HRH1: variants seen among roughly 807,000 people sequenced by gnomAD.
HRH1 encodes the protein histamine receptor H1, also known as histamine H1 receptor.
A neutral mutation model predicts 10.3 loss-of-function variants in HRH1; 6 were observed. That is an observed-to-expected ratio of 0.58 (90% CI 0.32 to 1.15). The LOEUF (loss-of-function observed/expected upper bound fraction) is 1.15, where lower values mean the gene tolerates loss of function less well. Among genes scored for constraint, HRH1 ranks in the 50% most tolerant of loss-of-function variants. HRH1 has a pLI of 0.05. For missense variants in HRH1, 514 were observed against 615.3 expected (o/e 0.84, Z 1.74); for synonymous variants, 242 against 236.7 (o/e 1.02, Z -0.21).
At chr3:11,220,460 G>A (rs971061548) in intron 1 of HRH1, among the ~76,000 whole-genome samples, 2 of 152,212 alleles carry the variant, frequency 1.3e-5, no homozygotes, top group African/African-American at 4.8e-5. Context: ...GCCGGTGCTT[G>A]GGTTTCCTAC....
Position 11,263,078 on chromosome 3 carries a change from T to G in HRH1, c.*2577T>G, listed in dbSNP as rs201663066. 6.0e-6 allele frequency: 1 copy of G among 167,116 alleles called. No homozygotes were observed. Among genetic ancestry groups the G allele is most frequent in the Non-Finnish European group, 1.5e-5 (1 of 68,136 alleles). 10.4% of individuals were successfully genotyped at this position (167,116 alleles called of 1,614,324 possible). A position where few individuals can be genotyped will look rare whatever the true frequency, so the allele number is the denominator to read the frequency against. On this transcript the variant is annotated 3_prime_UTR_variant, in exon 2 of 2. Transcript: ENST00000431010. ...ACTGCTCCGAGGTCTGATTCTGGAA[T>G]GTGCTTCCTTTCCACTTTATCAATC...
intron 1 of HRH1, among the ~76,000 whole-genome samples, chr3:11,221,504 G>A (rs1282277992): frequency 6.6e-6 from 1 of 151,218 alleles, no homozygotes; most frequent in Non-Finnish European, 1.5e-5. Context: ...GCAGTGAGCC[G>A]AGATCACGCC....
chr3:11,185,353 C>T (rs184458308), intron 1 of HRH1, among the ~76,000 whole-genome samples: 1 of 152,260 alleles, frequency 6.6e-6, no homozygotes, highest in East Asian at 1.9e-4. Context: ...GGAAGCCTTC[C>T]CTGAATTTTC....
chr3:11,195,569 T>A (rs922331392), intron 1 of HRH1, among the ~76,000 whole-genome samples: 2 of 152,218 alleles, frequency 1.3e-5, no homozygotes, highest in African/African-American at 4.8e-5. Flanking sequence ...ACCAAGTGAC[T>A]CTCATGACAG....
chr3:11,184,327 C>T (rs998889431), intron 1 of HRH1, among the ~76,000 whole-genome samples: 1 of 152,096 alleles, frequency 6.6e-6, no homozygotes. Context: ...AATAGAGACA[C>T]GGAGAGGTTA....
intron 1 of HRH1, among the ~76,000 whole-genome samples, chr3:11,203,277 T>C (rs1347301053): frequency 6.6e-6 from 1 of 152,212 alleles, no homozygotes; most frequent in Non-Finnish European, 1.5e-5. Flanking sequence ...CCAAGGAGTA[T>C]AATTGCTGCA....
At chr3:11,193,026 A>C (rs915289556) in intron 1 of HRH1, among the ~76,000 whole-genome samples, 5 of 152,248 alleles carry the variant, frequency 3.3e-5, no homozygotes, top group Admixed American at 2.0e-4. Flanking sequence ...GTTTAGTAAT[A>C]AATACAAGTT....
chr3:11,158,291 A>T (rs1343275055), intron 1 of HRH1, among the ~76,000 whole-genome samples: 1 of 152,210 alleles, frequency 6.6e-6, no homozygotes, highest in Non-Finnish European at 1.5e-5. Flanking sequence ...CAAAAATACT[A>T]GTTGTAAGAA....
chr3:11,242,156 G>T (rs901066068), intron 1 of HRH1, among the ~76,000 whole-genome samples: 5 of 152,068 alleles, frequency 3.3e-5, no homozygotes, highest in Admixed American at 3.3e-4. Context: ...AAATGTTGCT[G>T]CTCACTCTTT....
chr3:11,183,616 G>A lies in HRH1; in HGVS notation c.-36+29062G>A, dbSNP rs115390564. ...GTGGGCCCTGCCGGGGCGGCGGCAT[G>A]CATGTACATGAGGGTGAATCCCACA... On this transcript the variant is annotated intron_variant, in intron 1 of 1. Transcript: ENST00000431010. Among the ~76,000 whole-genome samples, 1,040 of 152,266 alleles carry A rather than the reference G, an allele frequency of 6.8e-3. 14 individuals are homozygous for A. Among genetic ancestry groups the A allele is most frequent in the African/African-American group, 0.024 (982 of 41,538 alleles).
intron 1 of HRH1, among the ~76,000 whole-genome samples, chr3:11,169,669 C>G (rs1937115558): frequency 6.6e-6 from 1 of 152,192 alleles, no homozygotes; most frequent in African/African-American, 2.4e-5. Flanking sequence ...TGACCCTTCT[C>G]TCTGCACTCT....
At chr3:11,249,898 A>G (rs532083755) in intron 1 of HRH1, among the ~76,000 whole-genome samples, 1 of 152,280 alleles carries the variant, frequency 6.6e-6, no homozygotes, top group East Asian at 1.9e-4. Flanking sequence ...TTGACCCTGC[A>G]GATCTCCACA....
intron 1 of HRH1, among the ~76,000 whole-genome samples, chr3:11,185,917 G>A (rs185527303): frequency 1.8e-4 from 27 of 152,274 alleles, no homozygotes; most frequent in African/African-American, 6.0e-4. Context: ...GTAGATGGCA[G>A]TTCCACGTAT....
chr3:11,155,354 A>T (rs1033327008), intron 1 of HRH1, among the ~76,000 whole-genome samples: 1 of 152,154 alleles, frequency 6.6e-6, no homozygotes, highest in African/African-American at 2.4e-5. Flanking sequence ...GCTCTTTCAG[A>T]GATCAGATTC....
intron 1 of HRH1, among the ~76,000 whole-genome samples, chr3:11,171,287 T>G (rs1407077181): frequency 1.3e-5 from 2 of 152,132 alleles, no homozygotes; most frequent in Non-Finnish European, 2.9e-5. Flanking sequence ...CGGCTAATGT[T>G]GTATTTTTAG....
intron 1 of HRH1, among the ~76,000 whole-genome samples, chr3:11,175,093 G>A (rs967295456): frequency 5.9e-5 from 9 of 152,188 alleles, no homozygotes; most frequent in African/African-American, 1.9e-4. Flanking sequence ...GGGCAAGGCT[G>A]GAGTTGGGAT....
At chr3:11,254,520 T>C (rs1470357917) in intron 1 of HRH1, among the ~76,000 whole-genome samples, 1 of 152,230 alleles carries the variant, frequency 6.6e-6, no homozygotes, top group African/African-American at 2.4e-5. Context: ...CCTTGGTCTA[T>C]GCACAGAGTT....
intron 1 of HRH1, among the ~76,000 whole-genome samples, chr3:11,238,889 C>T (rs1189219592): frequency 6.6e-6 from 1 of 152,154 alleles, no homozygotes; most frequent in Admixed American, 6.5e-5. Context: ...GACAAATGGA[C>T]CACATTTTAA....
intron 1 of HRH1, among the ~76,000 whole-genome samples, chr3:11,223,320 C>T (rs541137471): frequency 1.0e-4 from 15 of 148,214 alleles, no homozygotes; most frequent in Non-Finnish European, 2.1e-4. Flanking sequence ...GGTGAAACCC[C>T]ATCTCTACTA....
Sources: allele counts gnomAD v4.1 joint callset (sites outside exome capture counted in the v4.1 genomes callset), GRCh38; gene constraint gnomAD v4.1.1; transcripts MANE v1.5; gene names NCBI Gene and HGNC (gene_info 2026-07-23, HGNC 2026-07-21).